Variants in ATE1 observed in about 807,000 individuals in gnomAD.
ATE1 encodes arginyl-tRNA--protein transferase 1.
In ATE1, 36 loss-of-function variants were observed where a neutral mutation model predicts 70.5. The ratio of observed to expected loss-of-function variants is 0.51; its 90% CI spans 0.39 to 0.67. ATE1 has a LOEUF of 0.67. ATE1 is among the 30% of genes least tolerant of loss of function. ATE1 has a pLI of 0.00. For missense variants in ATE1, 593 were observed against 629.5 expected (o/e 0.94, Z 0.62); for synonymous variants, 232 against 219.3 (o/e 1.06, Z -0.51).
rs1015367131 is a variant in ATE1, at chr10:121,742,563, T to G, written c.*1117A>C. The G allele has an allele frequency of 3.9e-5, 6 of 152,188 alleles. No homozygotes were observed. The highest frequency in any genetic ancestry group is 1.4e-4 in the African/African-American group (6 of 41,438). The allele number at this position is 152,188 out of a possible 1,614,324, so 9.4% of individuals were successfully genotyped here. On this transcript the variant is annotated 3_prime_UTR_variant, in exon 12 of 12. Transcript: ENST00000224652. The stretch of plus-strand genomic sequence containing the variant: ...AGGGACATGTCTGACTGTCCTCCTG[T>G]ACCCAGCACAGTGCCTGCCACCTTG...
chr10:121,833,143 T>C (rs1395375000), intron 10 of ATE1, among the ~76,000 whole-genome samples: 1 of 152,190 alleles, frequency 6.6e-6, no homozygotes, highest in East Asian at 1.9e-4. Context: ...TACACATTCC[T>C]GTGTCACCAC....
chr10:121,821,882 T>C (rs544058039), intron 10 of ATE1, among the ~76,000 whole-genome samples: 3 of 152,008 alleles, frequency 2.0e-5, no homozygotes, highest in Admixed American at 6.6e-5. Flanking sequence ...AAAAACACAA[T>C]GTACCACCAC....
chr10:121,838,406 C>T (rs1013280110), intron 9 of ATE1, among the ~76,000 whole-genome samples: 10 of 152,106 alleles, frequency 6.6e-5, no homozygotes, highest in Non-Finnish European at 1.3e-4. Context: ...AGGCTCTCTA[C>T]GTCCTTCCCT....
intron 10 of ATE1, among the ~76,000 whole-genome samples, chr10:121,817,090 A>T (rs11592322): frequency 0.16 from 24,087 of 152,166 alleles, 2,527 homozygotes; most frequent in Middle Eastern, 0.23. Context: ...TTATAAAAAG[A>T]CCTATCCTGT....
chr10:121,830,316 A>T (rs1359495714), intron 10 of ATE1, among the ~76,000 whole-genome samples: 2 of 152,094 alleles, frequency 1.3e-5, no homozygotes, highest in African/African-American at 4.8e-5. Context: ...AGTGGGAGTG[A>T]GTAGGTTCTC....
chr10:121,857,078 T>A (rs1023690930), intron 8 of ATE1, among the ~76,000 whole-genome samples: 5 of 152,262 alleles, frequency 3.3e-5, no homozygotes, highest in Non-Finnish European at 5.9e-5. Context: ...ACCACTTTTT[T>A]ATTTTTATTG....
chr10:121,818,636 C>G (rs1218203732), intron 10 of ATE1, among the ~76,000 whole-genome samples: 1 of 152,156 alleles, frequency 6.6e-6, no homozygotes. Context: ...ACCCAAAGGT[C>G]TATTCTATTC....
chr10:121,928,052 T>G, upstream of ATE1: 1 of 1,219,728 alleles, frequency 8.2e-7, no homozygotes, highest in Non-Finnish European at 1.0e-6. Context: ...CTCCCGAGGC[T>G]CGCGCGAAGC....
At chr10:121,893,373 T>C (rs930321014) in intron 7 of ATE1, among the ~76,000 whole-genome samples, 3 of 152,048 alleles carry the variant, frequency 2.0e-5, no homozygotes, top group Non-Finnish European at 4.4e-5. Context: ...TGACAGTAAT[T>C]TCATTAAGTA....
Position 121,742,999 on chromosome 10 carries a change from TA to T in ATE1, c.*680del, listed in dbSNP as rs1043539083. The T allele has an allele frequency of 6.6e-5, 10 of 152,206 alleles. No individual in the cohort carries two copies. Among genetic ancestry groups the T allele is most frequent in the African/African-American group, 2.2e-4 (9 of 41,450 alleles). The allele number at this position is 152,206 out of a possible 1,614,324, so 9.4% of individuals were successfully genotyped here. ...ATGTATTTTATTGTCCAAACTGGGATATTTTTTAGAGTAAAAGGGAGTACTA... is the reference window on the plus strand; with the variant it reads ...ATGTATTTTATTGTCCAAACTGGGATTTTTTTAGAGTAAAAGGGAGTACTA... On this transcript the variant is annotated 3_prime_UTR_variant, in exon 12 of 12. Transcript: ENST00000224652.
intron 1 of ATE1, chr10:121,926,692 A>T: frequency 2.0e-6 from 2 of 981,578 alleles, no homozygotes; most frequent in Non-Finnish European, 2.4e-6. Context: ...AAATTCTGAA[A>T]AAGAGAAGGT....
intron 7 of ATE1, among the ~76,000 whole-genome samples, chr10:121,898,255 T>C (rs1339324923): frequency 1.3e-5 from 2 of 152,166 alleles, no homozygotes; most frequent in African/African-American, 4.8e-5. Context: ...AACTTTACAA[T>C]GATGGAAAAC....
At chr10:121,927,124 G>C (rs1952124229) in intron 1 of ATE1, 1 of 985,316 alleles carries the variant, frequency 1.0e-6, no homozygotes. Flanking sequence ...AAATAAACAC[G>C]ATGTTTTGTT....
intron 7 of ATE1, chr10:121,898,982 GA>G (rs2134281254): frequency 6.2e-7 from 1 of 1,611,430 alleles, no homozygotes; most frequent in Non-Finnish European, 8.5e-7. Context: ...TCAGAGCAAG[GA>G]AAATACAAGC....
chr10:121,776,836 T>C (rs760629898), intron 11 of ATE1, among the ~76,000 whole-genome samples: 5 of 152,242 alleles, frequency 3.3e-5, no homozygotes, highest in African/African-American at 9.6e-5. Flanking sequence ...GAAAACACTA[T>C]TCTACGCATG....
intron 7 of ATE1, among the ~76,000 whole-genome samples, chr10:121,875,656 G>A (rs1406069048): frequency 6.6e-6 from 1 of 152,058 alleles, no homozygotes; most frequent in African/African-American, 2.4e-5. Context: ...ACCTTCCCCA[G>A]GTGGTATCCT....
intron 9 of ATE1, among the ~76,000 whole-genome samples, chr10:121,840,515 A>C (rs991764816): frequency 7.2e-5 from 11 of 152,242 alleles, no homozygotes; most frequent in Non-Finnish European, 1.5e-4. Context: ...CAAGAATATA[A>C]GTCATATAAC....
chr10:121,894,478 G>A (rs928701047), intron 7 of ATE1, among the ~76,000 whole-genome samples: 6 of 152,162 alleles, frequency 3.9e-5, no homozygotes, highest in African/African-American at 1.4e-4. Context: ...ATTTGCACCA[G>A]GAAATGTTCC....
intron 11 of ATE1, among the ~76,000 whole-genome samples, chr10:121,783,434 T>C (rs907669369): frequency 4.6e-5 from 7 of 152,198 alleles, no homozygotes; most frequent in African/African-American, 1.4e-4. Flanking sequence ...GGCTGAACCA[T>C]GGTTCTGCTA....
Sources: gnomAD v4.1 joint callset for allele counts (sites outside exome capture counted in the v4.1 genomes callset) on GRCh38, gnomAD v4.1.1 for gene constraint, MANE v1.5 for transcripts, NCBI Gene and HGNC (gene_info 2026-07-23, HGNC 2026-07-21) for gene names.